Variants in CHST9 observed in about 807,000 individuals in gnomAD.
CHST9 encodes the protein carbohydrate sulfotransferase 9, also known as GalNAc-4-sulfotransferase 2.
CHST9 carries 41 observed loss-of-function variants against 44.4 expected under a neutral mutation model. That is an observed-to-expected ratio of 0.92 (90% confidence interval 0.72 to 1.20). The LOEUF is 1.20. Ranked by LOEUF, CHST9 falls within the 50% of genes most tolerant of loss-of-function variation. CHST9 has a pLI of 0.00. For missense variants in CHST9, 504 were observed against 516.5 expected, an observed-to-expected ratio of 0.98 and a Z score of 0.23; for synonymous variants, 171 against 178.4, an observed-to-expected ratio of 0.96 and a Z score of 0.33.
At chr18:27,065,275 C>T (rs2057768639) in intron 2 of CHST9, among the ~76,000 whole-genome samples, 1 of 152,134 alleles carries the variant, frequency 6.6e-6, no homozygotes, top group African/African-American at 2.4e-5. Flanking sequence ...GAATTTTAGA[C>T]CTCATTTTTT....
At chr18:27,097,881 T>C (rs2058132948) in intron 2 of CHST9, among the ~76,000 whole-genome samples, 1 of 152,146 alleles carries the variant, frequency 6.6e-6, no homozygotes, top group South Asian at 2.1e-4. Flanking sequence ...TTGTCAAAAA[T>C]CAGATGACTG....
chr18:27,093,034 G>T (rs1283032232), intron 2 of CHST9, among the ~76,000 whole-genome samples: 1 of 152,122 alleles, frequency 6.6e-6, no homozygotes, highest in African/African-American at 2.4e-5. Context: ...GACCCTGTTT[G>T]TCTGGGTATC....
intron 2 of CHST9, among the ~76,000 whole-genome samples, chr18:27,058,026 T>C (rs1266287702): frequency 6.6e-6 from 1 of 152,224 alleles, no homozygotes. Flanking sequence ...ATTCAGGATC[T>C]CATTCTGAGG....
chr18:26,925,799 A>AT (rs1404638413), intron 5 of CHST9: 4 of 152,202 alleles, frequency 2.6e-5, no homozygotes, highest in Non-Finnish European at 4.4e-5. Flanking sequence ...TAAATATTAG[A>AT]TTTTTTTATT....
At chr18:26,917,500 A>G (rs1489178429) in intron 5 of CHST9, 150 bp from the exon 6 acceptor site, 1 of 892,178 alleles carries the variant, frequency 1.1e-6, no homozygotes. Context: ...CATGCTGAAC[A>G]TACATTTTGT....
intron 4 of CHST9, among the ~76,000 whole-genome samples, chr18:26,987,127 T>A (rs1175494257): frequency 6.6e-6 from 1 of 152,188 alleles, no homozygotes; most frequent in Non-Finnish European, 1.5e-5. Flanking sequence ...TGGGGGCCGA[T>A]CCTTCATGAA....
intron 2 of CHST9, among the ~76,000 whole-genome samples, chr18:27,081,357 G>GAAGAA (rs1327836692): frequency 1.3e-5 from 2 of 151,962 alleles, no homozygotes; most frequent in East Asian, 1.9e-4. Context: ...AAACAAAAAA[G>GAAGAA]AAGAAAAGAA....
chr18:27,109,140 A>G (rs2058247601), intron 2 of CHST9, among the ~76,000 whole-genome samples: 1 of 152,240 alleles, frequency 6.6e-6, no homozygotes, highest in Non-Finnish European at 1.5e-5. Flanking sequence ...CCCACTACAC[A>G]GCAAGACTTA....
intron 4 of CHST9, among the ~76,000 whole-genome samples, chr18:26,957,996 C>A (rs2056348841): frequency 6.6e-6 from 1 of 151,810 alleles, no homozygotes; most frequent in Non-Finnish European, 1.5e-5. Context: ...AAGCAATTCT[C>A]CTGCCTCAGC....
At chr18:26,983,167 T>C (rs1196394490) in intron 4 of CHST9, among the ~76,000 whole-genome samples, 1 of 152,154 alleles carries the variant, frequency 6.6e-6, no homozygotes, top group Non-Finnish European at 1.5e-5. Context: ...GAGAGTATGT[T>C]TGGAGAAAGT....
chr18:27,004,976 C>T lies in CHST9; in HGVS notation c.202+19140G>A, dbSNP rs111311081. Among the ~76,000 whole-genome samples, 1,464 of 152,244 alleles carry T rather than the reference C, an allele frequency of 9.6e-3. 14 individuals carry two copies. Among genetic ancestry groups the T allele is most frequent in the African/African-American group, 0.034 (1,422 of 41,536 alleles). On this transcript the variant is annotated intron_variant, in intron 4 of 5. Coordinates refer to ENST00000618847, the MANE Select transcript of CHST9 (RefSeq NM_031422.6). ...ATATGAAGACTCAGATTCCTGACAT[C>T]GTTTCTTTTAATTCAGTTTGTGAAA...
chr18:27,010,048 T>A (rs1311608801), intron 4 of CHST9, among the ~76,000 whole-genome samples: 1 of 152,258 alleles, frequency 6.6e-6, no homozygotes, highest in Non-Finnish European at 1.5e-5. Context: ...GGCTTATAAG[T>A]CTTAGACTGC....
chr18:26,985,573 G>A (rs79738250), intron 4 of CHST9, among the ~76,000 whole-genome samples: 3,032 of 152,270 alleles, frequency 0.02, 118 homozygotes, highest in African/African-American at 0.069. Context: ...GGACAAATAT[G>A]AGAATCCATG....
At chr18:26,971,533 C>T (rs535337017) in intron 4 of CHST9, among the ~76,000 whole-genome samples, 90 of 152,326 alleles carry the variant, frequency 5.9e-4, no homozygotes, top group African/African-American at 2.1e-3. Flanking sequence ...TTATCATACT[C>T]TATGTCCTTT....
intron 3 of CHST9, among the ~76,000 whole-genome samples, chr18:27,027,788 T>C (rs1598651253): frequency 6.6e-6 from 1 of 152,104 alleles, no homozygotes; most frequent in Admixed American, 6.5e-5. Flanking sequence ...CAGTTTCTGT[T>C]TCATTAAAGT....
intron 2 of CHST9, among the ~76,000 whole-genome samples, chr18:27,135,773 C>G (rs1397242701): frequency 6.6e-6 from 1 of 152,166 alleles, no homozygotes; most frequent in East Asian, 1.9e-4. Flanking sequence ...CTTTCTCAAG[C>G]AGCTGGTGAG....
At chr18:27,071,221 G>C (rs1598697700) in intron 2 of CHST9, among the ~76,000 whole-genome samples, 1 of 152,136 alleles carries the variant, frequency 6.6e-6, no homozygotes, top group African/African-American at 2.4e-5. Flanking sequence ...ACTGGATCCT[G>C]ATCTTCTGAA....
At chr18:27,060,158 T>C (rs1291069051) in intron 2 of CHST9, among the ~76,000 whole-genome samples, 1 of 152,204 alleles carries the variant, frequency 6.6e-6, no homozygotes, top group African/African-American at 2.4e-5. Context: ...AGGTACTTAA[T>C]GTCTGCAACG....
At chr18:27,089,856 G>A (rs1199059404) in intron 2 of CHST9, among the ~76,000 whole-genome samples, 3 of 145,858 alleles carry the variant, frequency 2.1e-5, no homozygotes, top group African/African-American at 7.8e-5. Context: ...TGCCGCTCAG[G>A]CTGGAGTGCA....
Sources: allele counts gnomAD v4.1 joint callset (sites outside exome capture counted in the v4.1 genomes callset), GRCh38; gene constraint gnomAD v4.1.1; transcripts MANE v1.5; gene names NCBI Gene and HGNC (gene_info 2026-07-23, HGNC 2026-07-21).